The following CDON variants were observed in gnomAD, a reference collection of about 807,000 sequenced individuals.
CDON encodes the protein cell adhesion molecule-related/down-regulated by oncogenes.
In CDON, 73 loss-of-function variants were observed where a neutral mutation model predicts 120.9. That is an observed-to-expected ratio of 0.60 (90% CI 0.50 to 0.73). CDON has a LOEUF of 0.73. Among genes scored for constraint, CDON ranks in the 30% least tolerant of loss-of-function variants. The pLI is 0.00. For missense variants in CDON, 1,470 were observed against 1,587.3 expected, an observed-to-expected ratio of 0.93 and a Z score of 1.26; for synonymous variants, 566 against 573.5, an observed-to-expected ratio of 0.99 and a Z score of 0.19.
intron 9 of CDON, among the ~76,000 whole-genome samples, chr11:126,005,125 C>T (rs1016438055): frequency 6.6e-6 from 1 of 152,034 alleles, no homozygotes; most frequent in Non-Finnish European, 1.5e-5. Flanking sequence ...TATGGCAAAA[C>T]CCCATCTCTA....
intron 15 of CDON, among the ~76,000 whole-genome samples, chr11:125,984,934 C>T (rs1328567029): frequency 6.6e-6 from 1 of 152,108 alleles, no homozygotes; most frequent in Non-Finnish European, 1.5e-5. Context: ...CGTGTAGGTG[C>T]AGTACTTTTA....
chr11:126,029,402 G>T (rs528127275), intron 1 of CDON, among the ~76,000 whole-genome samples: 2 of 152,092 alleles, frequency 1.3e-5, no homozygotes, highest in African/African-American at 4.8e-5. Context: ...TACACCGTGT[G>T]GTTTTAACTC....
intron 18 of CDON, among the ~76,000 whole-genome samples, chr11:125,972,363 G>A (rs889451770): frequency 3.3e-5 from 5 of 152,084 alleles, no homozygotes; most frequent in Admixed American, 6.5e-5. Flanking sequence ...AGGAAGCGGC[G>A]TTGCAGTGAG....
chr11:126,006,071 G>A lies in CDON; in HGVS notation c.1553-14C>T, dbSNP rs759740858. 1.1e-5 allele frequency: 18 copies of A among 1,612,678 alleles called. No individual in the cohort carries two copies. The East Asian group carries it at 4.0e-4, about 36-fold the overall frequency. ...TTTCAAAAGGAACTGCAGGGAGAGA[G>A]AGAGGAGACAGCTTGAAGATACTCC... On this transcript the variant is annotated splice_polypyrimidine_tract_variant and intron_variant, in intron 8 of 19. Transcript: ENST00000531738.
Position 125,978,356 on chromosome 11 carries a change from G to C in CDON, c.3304C>G (p.Gln1102Glu). Residue 1102 changes from glutamine to glutamate, a missense_variant, in exon 18 of 20, where the codon CAG becomes GAG. Transcript: ENST00000531738. ...TTAACACACTCCAGAGGGTCAATCT[G>C]AGGCACGGCCGTGTACATTCCACCA... The part of the protein sequence containing the change: ...NGGGMYTAVP[Q>E]IDPLECVNCR... The C allele has an allele frequency of 1.9e-6, 3 of 1,609,930 alleles. No homozygotes were observed. The highest frequency in any genetic ancestry group is 2.5e-6 in the Non-Finnish European group (3 of 1,177,510).
chr11:126,013,264 G>A (rs1442162514), intron 7 of CDON, among the ~76,000 whole-genome samples: 2 of 152,136 alleles, frequency 1.3e-5, no homozygotes, highest in African/African-American at 2.4e-5. Context: ...TTACACCTAT[G>A]TTCATAAATG....
At chr11:125,983,285 T>C (rs752631170) in intron 16 of CDON, among the ~76,000 whole-genome samples, 13 of 152,216 alleles carry the variant, frequency 8.5e-5, no homozygotes, top group Non-Finnish European at 1.5e-4. Flanking sequence ...AAGGGGGTTC[T>C]AGGTTACTTC....
At chr11:126,040,555 C>T (rs956252378) in intron 1 of CDON, among the ~76,000 whole-genome samples, 2 of 152,122 alleles carry the variant, frequency 1.3e-5, no homozygotes, top group Admixed American at 1.3e-4. Context: ...GTGGCTCACG[C>T]CTATAATCCC....
chr11:126,055,066 G>A (rs1948651078), intron 1 of CDON, among the ~76,000 whole-genome samples: 1 of 152,178 alleles, frequency 6.6e-6, no homozygotes, highest in South Asian at 2.1e-4. Flanking sequence ...AATGAAAGCA[G>A]TCACGTGATC....
intron 1 of CDON, among the ~76,000 whole-genome samples, chr11:126,041,372 G>A (rs948162792): frequency 7.9e-5 from 12 of 152,086 alleles, no homozygotes; most frequent in Admixed American, 2.6e-4. Context: ...GACCAACTGT[G>A]GGTAAATGGA....
At chr11:125,972,021 C>T (rs967447766) in intron 18 of CDON, among the ~76,000 whole-genome samples, 1 of 152,202 alleles carries the variant, frequency 6.6e-6, no homozygotes, top group Non-Finnish European at 1.5e-5. Context: ...GCCCAAATGG[C>T]ACAAGGATTT....
rs1272250093 is a variant in CDON, at chr11:125,957,720, A to G, written c.*3222T>C. On this transcript the variant is annotated 3_prime_UTR_variant, in exon 20 of 20. Coordinates refer to ENST00000531738, the MANE Select transcript of CDON (RefSeq NM_001378964.1). ...GGCATGATCAGCCCAAGATGGATGC[A>G]TTGAGTCTTCATAGACTCATTCGAC... The G allele has an allele frequency of 6.6e-6, 1 of 152,236 alleles. No individual in the cohort carries two copies. The highest frequency in any genetic ancestry group is 1.5e-5 in the Non-Finnish European group (1 of 68,048). The allele number at this position is 152,236 out of a possible 1,614,324, so 9.4% of individuals were successfully genotyped here.
intron 18 of CDON, among the ~76,000 whole-genome samples, chr11:125,970,752 G>A (rs538821115): frequency 6.6e-6 from 1 of 152,186 alleles, no homozygotes; most frequent in South Asian, 2.1e-4. Flanking sequence ...AAATGACTGA[G>A]TGTATTCCTG....
intron 12 of CDON, among the ~76,000 whole-genome samples, chr11:125,996,699 CAAAAAAAAAAAAA>C (rs71048761): frequency 1.9e-5 from 1 of 53,348 alleles, no homozygotes; most frequent in African/African-American, 7.9e-5. Flanking sequence ...GACTCCATCT[CAAAAAAAAAAAAA>C]AAAAAAAAAA....
At chr11:126,062,271 G>A (rs1178424731) in intron 1 of CDON, among the ~76,000 whole-genome samples, 2 of 152,102 alleles carry the variant, frequency 1.3e-5, no homozygotes, top group African/African-American at 4.8e-5. Flanking sequence ...CTAGCTCCCC[G>A]CTCTGCGGCA....
chr11:126,052,101 A>C lies in CDON; in HGVS notation c.-62+10478T>G, dbSNP rs1948574457. ...GTTAGCCATGGGATTAAAACAAAAC[A>C]AAACAAAACAAAACAAAACAAAAAA... On this transcript the variant is annotated intron_variant, in intron 1 of 19. Transcript: ENST00000531738. 2.0e-5 allele frequency among the ~76,000 whole-genome samples: 3 copies of C among 147,460 alleles called. No homozygotes were observed. In the South Asian group the frequency reaches 6.4e-4, roughly 32 times the overall value.
At chr11:125,988,386 T>C (rs898808855) in intron 15 of CDON, among the ~76,000 whole-genome samples, 2 of 152,132 alleles carry the variant, frequency 1.3e-5, no homozygotes, top group African/African-American at 4.8e-5. Flanking sequence ...TGAATTTTTT[T>C]TTCTTTTGAG....
chr11:125,997,507 A>C, intron 11 of CDON, 97 bp from the exon 12 acceptor site: 1 of 971,794 alleles, frequency 1.0e-6, no homozygotes, highest in Non-Finnish European at 1.6e-6. Context: ...CATGTTATTA[A>C]AGGTTCTTCA....
chr11:125,976,846 A>G (rs899161316), intron 18 of CDON, among the ~76,000 whole-genome samples: 1 of 152,220 alleles, frequency 6.6e-6, no homozygotes, highest in Non-Finnish European at 1.5e-5. Flanking sequence ...TAGTTAAGGA[A>G]ATAGCTTCAG....
Sources: allele counts gnomAD v4.1 joint callset (sites outside exome capture counted in the v4.1 genomes callset), GRCh38; gene constraint gnomAD v4.1.1; transcripts MANE v1.5; gene names NCBI Gene and HGNC (gene_info 2026-07-23, HGNC 2026-07-21).